The following PPT1 variants were observed in gnomAD, a reference collection of about 807,000 sequenced individuals.
The protein encoded by PPT1 is palmitoyl-protein thioesterase 1, also known as ceroid-palmitoyl-palmitoyl-protein thioesterase 1.
Under a neutral mutation model 44.0 loss-of-function variants are expected in PPT1, and 24 were observed. The observed-to-expected ratio is 0.54, with a 90% CI of 0.39 to 0.77. The LOEUF is 0.77. Ranked by LOEUF, PPT1 falls within the 30% of genes least tolerant of loss-of-function variation. The pLI, the probability that PPT1 is intolerant of heterozygous loss-of-function variation, is 0.00. For synonymous variants in PPT1, 148 were observed against 140.2 expected, an observed-to-expected ratio of 1.06 and a Z score of -0.39; for missense variants, 341 against 378.8, an observed-to-expected ratio of 0.90 and a Z score of 0.83.
At chr1:40,081,567 TAGA>T (rs1048910567) in intron 5 of PPT1, among the ~76,000 whole-genome samples, 5 of 6,474 alleles carry the variant, frequency 7.7e-4, no homozygotes, top group African/African-American at 1.7e-3. Context: ...AATAAATAAA[TAGA>T]AAATAAAATT....
chr1:40,092,374 AG>A, intron 2 of PPT1, 23 bp downstream of exon 2: 1 of 1,570,306 alleles, frequency 6.4e-7, no homozygotes, highest in South Asian at 1.1e-5. Context: ...AACCCTTCAA[AG>A]GAACAGCTGT....
chr1:40,071,769 C>T (rs760336742), downstream of PPT1: 19 of 547,962 alleles, frequency 3.5e-5, no homozygotes, highest in Admixed American at 1.7e-4. Context: ...TCAACCACGC[C>T]GCCAGTCCAT....
chr1:40,078,782 C>T lies in PPT1; in HGVS notation c.628-124G>A, dbSNP rs770620825. Reference sequence around the variant, plus strand: ...TGTGTTTCTTCCCCATGGGTATGGGCTGTTTTCCAGCTTCCTGACCAGGAT... The same window carrying T: ...TGTGTTTCTTCCCCATGGGTATGGGTTGTTTTCCAGCTTCCTGACCAGGAT... On this transcript the variant is annotated intron_variant, in intron 6 of 8. Coordinates refer to ENST00000642050, the MANE Select transcript of PPT1 (RefSeq NM_000310.4). 6 of 817,526 alleles carry T rather than the reference C, an allele frequency of 7.3e-6. No individual in the cohort carries two copies. In the African/African-American group the frequency reaches 1.0e-4, roughly 14 times the overall value. 50.6% of individuals were successfully genotyped at this position (817,526 alleles called of 1,614,324 possible).
At chr1:40,089,720 A>G (rs1267209279) in intron 4 of PPT1, 2 of 646,544 alleles carry the variant, frequency 3.1e-6, no homozygotes, top group Non-Finnish European at 5.7e-6. Context: ...GGATCTTTTT[A>G]CCTGCTCATC....
At chr1:40,091,098 T>C (rs1167795337) in intron 4 of PPT1, among the ~76,000 whole-genome samples, 1 of 152,180 alleles carries the variant, frequency 6.6e-6, no homozygotes, top group African/African-American at 2.4e-5. Context: ...CATGCAATCG[T>C]GTCAATGAAA....
At chr1:40,086,397 C>T (rs1038887531) in intron 5 of PPT1, among the ~76,000 whole-genome samples, 3 of 152,188 alleles carry the variant, frequency 2.0e-5, no homozygotes. Context: ...CATGCCAAGC[C>T]GGGGGCTTCC....
Position 40,073,641 on chromosome 1 carries a change from A to G in PPT1, c.*420T>C, listed in dbSNP as rs886851100. On this transcript the variant is annotated 3_prime_UTR_variant, in exon 9 of 9. Coordinates refer to ENST00000642050, the MANE Select transcript of PPT1 (RefSeq NM_000310.4). ...ACTGGTTAAATCACCAGCAAAACAA[A>G]GCATTTATGTGAGTACCTCAGGCCT... 1 of 191,166 alleles carries G rather than the reference A, an allele frequency of 5.2e-6. No individual in the cohort carries two copies. The highest frequency in any genetic ancestry group is 2.4e-5 in the African/African-American group (1 of 42,366). 11.8% of individuals were successfully genotyped at this position (191,166 alleles called of 1,614,324 possible).
Position 40,073,883 on chromosome 1 carries a change from A to G in PPT1, c.*178T>C. The G allele has an allele frequency of 1.2e-6, 1 of 861,104 alleles. No individual in the cohort carries two copies. Among genetic ancestry groups the G allele is most frequent in the Non-Finnish European group, 1.8e-6 (1 of 543,286 alleles). The allele number at this position is 861,104 out of a possible 1,614,324, so 53.3% of individuals were successfully genotyped here. ...CTTGCATTCAACACCATATGGTAAC[A>G]GAAGATGGCAAAGGATAAGATTCAG... On this transcript the variant is annotated 3_prime_UTR_variant, in exon 9 of 9. Transcript: ENST00000642050.
At chr1:40,071,485 A>G (rs750714374), downstream of PPT1, 9 of 1,613,864 alleles carry the variant, frequency 5.6e-6, no homozygotes, top group South Asian at 1.1e-5. Context: ...TCAAGACCCT[A>G]TGGAACGGGC....
chr1:40,073,892 C>T lies in PPT1; in HGVS notation c.*169G>A. 1.1e-6 allele frequency: 1 copy of T among 920,292 alleles called. No individual in the cohort carries two copies. 57.0% of individuals were successfully genotyped at this position (920,292 alleles called of 1,614,324 possible). A position where few individuals can be genotyped will look rare whatever the true frequency, so the allele number is the denominator to read the frequency against. ...AACACCATATGGTAACAGAAGATGG[C>T]AAAGGATAAGATTCAGATCTTAGAT... On this transcript the variant is annotated 3_prime_UTR_variant, in exon 9 of 9. Coordinates refer to ENST00000642050, the MANE Select transcript of PPT1 (RefSeq NM_000310.4).
In PPT1 at chr1:40,073,731, C is replaced by CTACTT. The variant is rs1370205693; in HGVS notation, c.*325_*329dup. 3.2e-6 allele frequency: 1 copy of CTACTT among 309,430 alleles called. No homozygotes were observed. Among genetic ancestry groups the CTACTT allele is most frequent in the Non-Finnish European group, 6.2e-6 (1 of 160,934 alleles). The allele number at this position is 309,430 out of a possible 1,614,324, so 19.2% of individuals were successfully genotyped here. A position where few individuals can be genotyped will look rare whatever the true frequency, so the allele number is the denominator to read the frequency against. On this transcript the variant is annotated 3_prime_UTR_variant, in exon 9 of 9. Transcript: ENST00000642050. The stretch of plus-strand genomic sequence containing the variant: ...ATGTTTGCCCTTAGAATCTATCTCA[C>CTACTT]TACTTTAGTTAGTTGTCTCCTTTGG...
At chr1:40,093,576 T>G (rs4660383) in intron 1 of PPT1, among the ~76,000 whole-genome samples, 123,967 of 152,112 alleles carry the variant, frequency 0.81, 51,327 homozygotes, top group Non-Finnish European at 0.89. Context: ...GTTTATCAAG[T>G]AATAACAAGC....
chr1:40,075,958 C>CAAAAAAAAAA (rs56338772), intron 8 of PPT1, among the ~76,000 whole-genome samples: 2 of 41,846 alleles, frequency 4.8e-5, no homozygotes, highest in African/African-American at 2.3e-4. Context: ...AAGACTGTCT[C>CAAAAAAAAAA]AAAAAAAAAA....
rs1056300913 is a variant in PPT1 at position 40,084,223 on chromosome 1, T to C, written c.537-3736A>G. ...ATAGCAGGAGAACTAGAATTAGAAG[T>C]GGAACCTGACGATGTGACTGAATTG... is the stretch of plus-strand genomic sequence containing the variant. On this transcript the variant is annotated intron_variant, in intron 5 of 8. Transcript: ENST00000642050. Among the ~76,000 whole-genome samples the C allele has an allele frequency of 2.0e-5, 3 of 152,158 alleles. No homozygotes were observed. In the East Asian group the frequency reaches 5.8e-4, roughly 29 times the overall value.
chr1:40,079,701 T>C (rs149001355), intron 6 of PPT1, among the ~76,000 whole-genome samples: 83 of 152,248 alleles, frequency 5.5e-4, no homozygotes, highest in African/African-American at 1.9e-3. Context: ...CGGCCTTCTA[T>C]AGGCTTTTCT....
intron 3 of PPT1, 46 bp from the exon 4 acceptor site, chr1:40,091,445 G>T: frequency 6.7e-7 from 1 of 1,496,842 alleles, no homozygotes; most frequent in Non-Finnish European, 9.3e-7. Context: ...AGATGGAAAT[G>T]TATCATCCAC....
chr1:40,093,181 C>A (rs1415663493), intron 1 of PPT1, among the ~76,000 whole-genome samples: 2 of 152,164 alleles, frequency 1.3e-5, no homozygotes, highest in African/African-American at 4.8e-5. Flanking sequence ...TGGAATATTA[C>A]TGAGTTATAA....
At chr1:40,083,627 A>G (rs1414865048) in intron 5 of PPT1, among the ~76,000 whole-genome samples, 1 of 152,214 alleles carries the variant, frequency 6.6e-6, no homozygotes, top group Non-Finnish European at 1.5e-5. Flanking sequence ...CCCATGGATC[A>G]AGTAGTAATT....
intron 4 of PPT1, among the ~76,000 whole-genome samples, chr1:40,089,926 A>T (rs1242435299): frequency 6.6e-6 from 1 of 152,100 alleles, no homozygotes; most frequent in East Asian, 1.9e-4. Flanking sequence ...TAAGCAAAAT[A>T]TTGGCAATAA....
Sources: allele counts gnomAD v4.1 joint callset (sites outside exome capture counted in the v4.1 genomes callset), GRCh38; gene constraint gnomAD v4.1.1; transcripts MANE v1.5; gene names NCBI Gene and HGNC (gene_info 2026-07-23, HGNC 2026-07-21).